The following OR11A1 variants were observed in gnomAD, a reference collection of about 807,000 sequenced individuals.
The protein encoded by OR11A1 is olfactory receptor family 11 subfamily A member 1.
For missense variants in OR11A1, 380 were observed against 378.2 expected (o/e 1.00, Z -0.04); for synonymous variants, 158 against 152.2 (o/e 1.04, Z -0.28).
intron 1 of OR11A1, among the ~76,000 whole-genome samples, chr6:29,447,519 A>G (rs1784888170): frequency 1.3e-5 from 2 of 152,088 alleles, no homozygotes; most frequent in African/African-American, 4.8e-5. Flanking sequence ...GTGGTAGAAG[A>G]CTCTTCTGGC....
chr6:29,439,611 G>T (rs1257539533), intron 1 of OR11A1: 1 of 183,906 alleles, frequency 5.4e-6, no homozygotes, highest in Non-Finnish European at 1.1e-5. Flanking sequence ...TGGAGAAAAA[G>T]ATCTGCTATG....
chr6:29,445,694 C>T (rs1784688740), intron 1 of OR11A1, among the ~76,000 whole-genome samples: 1 of 152,158 alleles, frequency 6.6e-6, no homozygotes, highest in Non-Finnish European at 1.5e-5. Flanking sequence ...CTTGGAGAGC[C>T]TAGCACGTGG....
At chr6:29,438,230 C>T (rs1783795717) in intron 1 of OR11A1, among the ~76,000 whole-genome samples, 1 of 151,690 alleles carries the variant, frequency 6.6e-6, no homozygotes, top group African/African-American at 2.4e-5. Flanking sequence ...ACAGAAGAAA[C>T]AAATCAAATA....
In OR11A1 at chr6:29,426,506, C is replaced by T. The variant is rs1582526298; in HGVS notation, c.*188G>A. ...CAAGTTTACCTATGTAACAAACCTG[C>T]ACATGTACCCTTGAACTTAAAATAA... On this transcript the variant is annotated 3_prime_UTR_variant, in exon 5 of 5. Coordinates refer to ENST00000377149, the MANE Select transcript of OR11A1 (RefSeq NM_001394828.1). 5.3e-6 allele frequency: 3 copies of T among 568,014 alleles called. No homozygotes were observed. The highest frequency in any genetic ancestry group is 5.3e-5 in the South Asian group (2 of 38,018). The allele number at this position is 568,014 out of a possible 1,614,324, so 35.2% of individuals were successfully genotyped here. A position where few individuals can be genotyped will look rare whatever the true frequency, so the allele number is the denominator to read the frequency against.
At position 29,427,218 on chromosome 6, in the gene OR11A1, A is replaced by G; in HGVS notation, c.424T>C (p.Tyr142His). 1 of 1,613,100 alleles carries G rather than the reference A, an allele frequency of 6.2e-7. No individual in the cohort carries two copies. Residue 142 changes from tyrosine (Y) to histidine (H), a missense_variant, in exon 5 of 5, where the codon TAC becomes CAC. By Grantham distance (83) the Tyr-to-His change is moderately conservative. Transcript: ENST00000377149. ...HYPLLMGPRR[Y>H]MGLVVTTWLS... ...CAGGTTGTGACCACCAGCCCCATGT[A>G]CCGTCTGGGCCCCATCAGGAGTGGG...
intron 1 of OR11A1, among the ~76,000 whole-genome samples, chr6:29,455,938 T>A (rs1009721084): frequency 2.2e-5 from 3 of 137,116 alleles, no homozygotes; most frequent in Admixed American, 7.4e-5. Context: ...CAACAAAAAA[T>A]TTTCAAAATT....
chr6:29,442,346 A>C (rs1784279678), intron 1 of OR11A1, among the ~76,000 whole-genome samples: 1 of 152,232 alleles, frequency 6.6e-6, no homozygotes, highest in East Asian at 1.9e-4. Context: ...CTGCAGAACA[A>C]ATAAGTGGAA....
At chr6:29,440,935 C>A in intron 1 of OR11A1, 1 of 1,610,298 alleles carries the variant, frequency 6.2e-7, no homozygotes, top group South Asian at 1.1e-5. Flanking sequence ...ATCCAGAAAA[C>A]GGTGCCTATG....
In OR11A1 at chr6:29,426,472, C is replaced by A; in HGVS notation, c.*222G>T. On this transcript the variant is annotated 3_prime_UTR_variant, in exon 5 of 5. Coordinates refer to ENST00000377149, the MANE Select transcript of OR11A1 (RefSeq NM_001394828.1). ...GATGAAATAATCTGTACAGTAAACC[C>A]CCATGACACAAGTTTACCTATGTAA... 3.7e-6 allele frequency: 2 copies of A among 541,232 alleles called. No individual in the cohort carries two copies. The highest frequency in any genetic ancestry group is 6.5e-6 in the Non-Finnish European group (2 of 305,870). The allele number at this position is 541,232 out of a possible 1,614,324, so 33.5% of individuals were successfully genotyped here. A position where few individuals can be genotyped will look rare whatever the true frequency, so the allele number is the denominator to read the frequency against.
intron 1 of OR11A1, among the ~76,000 whole-genome samples, chr6:29,443,135 G>A (rs1784371982): frequency 6.6e-6 from 1 of 151,974 alleles, no homozygotes; most frequent in South Asian, 2.1e-4. Context: ...AGTACAATTG[G>A]CATATGACAA....
Position 29,426,839 on chromosome 6 carries a change from G to C in OR11A1, c.803C>G (p.Ser268Cys). The C allele has an allele frequency of 6.2e-7, 1 of 1,613,152 alleles. No homozygotes were observed. Among genetic ancestry groups the C allele is most frequent in the Non-Finnish European group, 8.5e-7 (1 of 1,180,014 alleles). The part of the protein sequence containing the change: ...IFYVAPSAVH[S>C]QLLSKVFSLL... ...GGAGAAGACCTTGGAGAGGAGCTGG[G>C]AATGGACAGCAGAGGGTGCAACATA... The change falls in exon 5 of 5, where the codon TCC (serine) becomes TGC (cysteine). Residue 268 changes from serine to cysteine, a missense_variant. Transcript: ENST00000377149.
chr6:29,450,176 G>A (rs539535815), intron 1 of OR11A1: 1 of 152,248 alleles, frequency 6.6e-6, no homozygotes, highest in East Asian at 1.9e-4. Context: ...TGTTAAAACA[G>A]GGGACTACAT....
intron 1 of OR11A1, chr6:29,440,453 G>C: frequency 1.2e-6 from 2 of 1,614,008 alleles, no homozygotes; most frequent in Non-Finnish European, 1.7e-6. Flanking sequence ...TAGCTGGGTC[G>C]GCGTGGGCCT....
rs1303870024 is a variant in OR11A1, at chr6:29,426,856, T to C, written c.786A>G (p.Ala262=). The C allele has an allele frequency of 6.2e-7, 1 of 1,612,890 alleles. No individual in the cohort carries two copies. The highest frequency in any genetic ancestry group is 1.1e-5 in the South Asian group (1 of 91,066). The part of the protein sequence containing the change: ...FYGTLMIFYV[A]PSAVHSQLLS... ...GGAGCTGGGAATGGACAGCAGAGGG[T>C]GCAACATAAAAGATCATGAGCGTTC... The change falls in exon 5 of 5, where the codon GCA becomes GCG. Residue 262 remains alanine, a synonymous_variant. Coordinates refer to ENST00000377149, the MANE Select transcript of OR11A1 (RefSeq NM_001394828.1).
At chr6:29,443,522 G>C (rs1205322940) in intron 1 of OR11A1, among the ~76,000 whole-genome samples, 1 of 150,142 alleles carries the variant, frequency 6.7e-6, no homozygotes, top group East Asian at 1.9e-4. Context: ...AAGGAAATTT[G>C]GGTTGTTTTC....
At chr6:29,440,523 C>T (rs1315255087) in intron 1 of OR11A1, 1 of 1,613,770 alleles carries the variant, frequency 6.2e-7, no homozygotes, top group Admixed American at 1.7e-5. Flanking sequence ...CTTCTGCGGC[C>T]CCAATACCAT....
chr6:29,434,019 T>C (rs1043876000), intron 1 of OR11A1, among the ~76,000 whole-genome samples: 2 of 152,192 alleles, frequency 1.3e-5, no homozygotes, highest in African/African-American at 2.4e-5. Flanking sequence ...AATTGAGTTA[T>C]TTGTTTCCTT....
intron 1 of OR11A1, among the ~76,000 whole-genome samples, chr6:29,433,203 G>A (rs1048332913): frequency 3.3e-5 from 5 of 152,104 alleles, no homozygotes; most frequent in Admixed American, 3.3e-4. Context: ...AGAACACTCA[G>A]ATCTACTCTT....
At chr6:29,432,679 A>G (rs1351767672) in intron 1 of OR11A1, among the ~76,000 whole-genome samples, 2 of 152,204 alleles carry the variant, frequency 1.3e-5, no homozygotes, top group Non-Finnish European at 2.9e-5. Flanking sequence ...CTTCCTGACC[A>G]AATTACTGCC....
Sources: allele counts gnomAD v4.1 joint callset (sites outside exome capture counted in the v4.1 genomes callset), GRCh38; gene constraint gnomAD v4.1.1; transcripts MANE v1.5; gene names NCBI Gene and HGNC (gene_info 2026-07-23, HGNC 2026-07-21).